The following ADAMTS12 variants were observed in gnomAD, a reference collection of about 807,000 sequenced individuals.
ADAMTS12 encodes A disintegrin and metalloproteinase with thrombospondin motifs 12.
Under a neutral mutation model 167.8 loss-of-function variants are expected in ADAMTS12, and 118 were observed. The observed-to-expected ratio is 0.70, with a 90% confidence interval of 0.61 to 0.82. The LOEUF (loss-of-function observed/expected upper bound fraction) is 0.82. Among genes scored for constraint, ADAMTS12 ranks in the 40% least tolerant of loss-of-function variants. ADAMTS12 has a pLI of 0.00. For missense variants in ADAMTS12, 1,916 were observed against 1,998.8 expected (o/e 0.96, Z 0.79); for synonymous variants, 704 against 716.9 (o/e 0.98, Z 0.29).
intron 2 of ADAMTS12, among the ~76,000 whole-genome samples, chr5:33,783,098 T>C (rs1010354932): frequency 2.0e-5 from 3 of 152,066 alleles, no homozygotes; most frequent in African/African-American, 7.2e-5. Flanking sequence ...GAATATTAAA[T>C]TAGAAATCAC....
intron 18 of ADAMTS12, 60 bp from the exon 19 acceptor site, chr5:33,577,220 G>C: frequency 6.2e-7 from 1 of 1,608,994 alleles, no homozygotes; most frequent in Non-Finnish European, 8.5e-7. Context: ...CTCATGGTTA[G>C]GTCTATAACA....
At position 33,730,142 on chromosome 5, in the gene ADAMTS12, A is replaced by G. The variant is rs1242747850; in HGVS notation, c.634+21262T>C. Among the ~76,000 whole-genome samples the G allele has an allele frequency of 3.9e-5, 6 of 152,340 alleles. No homozygotes were observed. In the East Asian group the frequency reaches 1.2e-3, roughly 29 times the overall value. ...GAGACCCACATTGTACAGGTTACAG[A>G]TCAAATATGAAATCTGAATCTTTCT... On this transcript the variant is annotated intron_variant, in intron 3 of 23. Coordinates refer to ENST00000504830, the MANE Select transcript of ADAMTS12 (RefSeq NM_030955.4).
chr5:33,542,465 G>C (rs543206951), intron 22 of ADAMTS12, among the ~76,000 whole-genome samples: 2 of 152,242 alleles, frequency 1.3e-5, no homozygotes, highest in South Asian at 4.1e-4. Context: ...GAGACAGAAG[G>C]TTAACAAGGA....
At chr5:33,824,772 C>T (rs1019838477) in intron 2 of ADAMTS12, among the ~76,000 whole-genome samples, 7 of 152,170 alleles carry the variant, frequency 4.6e-5, no homozygotes, top group Admixed American at 3.3e-4. Flanking sequence ...CACAAGAAAA[C>T]TTCCCAGCAT....
Position 33,856,196 on chromosome 5 carries a change from T to C in ADAMTS12, c.489+24923A>G, listed in dbSNP as rs563876583. Among the ~76,000 whole-genome samples the C allele has an allele frequency of 1.2e-4, 19 of 152,328 alleles. No homozygotes were observed. The South Asian group carries it at 2.1e-3, about 17-fold the overall frequency. ...ATAGAGAATTGGTCAGGACCTGCTG[T>C]AGCTCAGTGGAAAAGGATCTGTTGA... On this transcript the variant is annotated intron_variant, in intron 2 of 23. Coordinates refer to ENST00000504830, the MANE Select transcript of ADAMTS12 (RefSeq NM_030955.4).
At chr5:33,687,658 C>T (rs1465855572) in intron 3 of ADAMTS12, among the ~76,000 whole-genome samples, 4 of 152,268 alleles carry the variant, frequency 2.6e-5, no homozygotes, top group East Asian at 3.9e-4. Context: ...TAGATAGTGC[C>T]GGAAGCTTTG....
chr5:33,634,979 A>G (rs980191074), intron 12 of ADAMTS12, among the ~76,000 whole-genome samples: 11 of 151,892 alleles, frequency 7.2e-5, no homozygotes, highest in African/African-American at 2.4e-4. Flanking sequence ...CTCCCGCCCC[A>G]CCCTCCTGAC....
chr5:33,527,099 C>G lies in ADAMTS12; in HGVS notation c.*89G>C, dbSNP rs1415980787. On this transcript the variant is annotated 3_prime_UTR_variant, in exon 24 of 24. Transcript: ENST00000504830. ...AAAGCTGAATCTGAAATATATGAAG[C>G]AAAACCTCAACGAAGCAGCTCCCAG... 6.7e-7 allele frequency: 1 copy of G among 1,500,704 alleles called. No individual in the cohort carries two copies. Among genetic ancestry groups the G allele is most frequent in the Non-Finnish European group, 9.1e-7 (1 of 1,100,092 alleles). 93.0% of individuals were successfully genotyped at this position (1,500,704 alleles called of 1,614,324 possible).
At chr5:33,568,767 T>C (rs1048644610) in intron 19 of ADAMTS12, among the ~76,000 whole-genome samples, 1 of 152,246 alleles carries the variant, frequency 6.6e-6, no homozygotes, top group Non-Finnish European at 1.5e-5. Flanking sequence ...CAGCGCACCG[T>C]GCACCAGCCA....
intron 2 of ADAMTS12, among the ~76,000 whole-genome samples, chr5:33,849,147 T>C (rs866013681): frequency 3.3e-5 from 3 of 91,178 alleles, no homozygotes; most frequent in South Asian, 3.0e-4. Flanking sequence ...ATGTATTGCA[T>C]AGCAATATAT....
chr5:33,772,009 A>G (rs1330231839), intron 2 of ADAMTS12, among the ~76,000 whole-genome samples: 2 of 152,000 alleles, frequency 1.3e-5, no homozygotes, highest in African/African-American at 4.8e-5. Flanking sequence ...GGTATCTGCC[A>G]CCATGCCTAG....
intron 7 of ADAMTS12, among the ~76,000 whole-genome samples, chr5:33,651,399 C>G (rs1470642576): frequency 2.0e-5 from 3 of 152,174 alleles, no homozygotes; most frequent in Non-Finnish European, 4.4e-5. Context: ...GCACAAGTTA[C>G]TTTCTCTTTT....
chr5:33,777,526 A>G (rs1370342619), intron 2 of ADAMTS12, among the ~76,000 whole-genome samples: 1 of 152,156 alleles, frequency 6.6e-6, no homozygotes, highest in East Asian at 1.9e-4. Context: ...GAAAGAATGT[A>G]TCTCAACATA....
chr5:33,837,222 A>G (rs2111577364), intron 2 of ADAMTS12, among the ~76,000 whole-genome samples: 1 of 152,354 alleles, frequency 6.6e-6, no homozygotes, highest in South Asian at 2.1e-4. Flanking sequence ...GTGGACAGAC[A>G]GGACTTGAAA....
At chr5:33,771,116 G>A (rs545315623) in intron 2 of ADAMTS12, among the ~76,000 whole-genome samples, 4 of 152,036 alleles carry the variant, frequency 2.6e-5, no homozygotes, top group African/African-American at 7.2e-5. Context: ...TGATGGGTAG[G>A]GTTTTCATCT....
At chr5:33,652,167 G>T (rs914443520) in intron 7 of ADAMTS12, among the ~76,000 whole-genome samples, 1 of 152,162 alleles carries the variant, frequency 6.6e-6, no homozygotes, top group African/African-American at 2.4e-5. Context: ...TGGGTCGAAT[G>T]ATAGCTCTAG....
chr5:33,572,097 C>CAA (rs1746385129), intron 19 of ADAMTS12, among the ~76,000 whole-genome samples: 1 of 152,040 alleles, frequency 6.6e-6, no homozygotes, highest in Non-Finnish European at 1.5e-5. Context: ...GAAATTGGGG[C>CAA]AATAATCAAT....
At chr5:33,548,888 CA>C (rs147293143) in intron 21 of ADAMTS12, among the ~76,000 whole-genome samples, 254 of 152,336 alleles carry the variant, frequency 1.7e-3, no homozygotes, top group Non-Finnish European at 2.8e-3. Context: ...CGTCCTTGTT[CA>C]AATCATCCCA....
chr5:33,629,992 A>G (rs977438802), intron 13 of ADAMTS12, among the ~76,000 whole-genome samples: 2 of 152,210 alleles, frequency 1.3e-5, no homozygotes, highest in Non-Finnish European at 2.9e-5. Context: ...TCCCAGTTTT[A>G]TGACAGAAGA....
Sources: gnomAD v4.1 joint callset for allele counts (sites outside exome capture counted in the v4.1 genomes callset) on GRCh38, gnomAD v4.1.1 for gene constraint, MANE v1.5 for transcripts, NCBI Gene and HGNC (gene_info 2026-07-23, HGNC 2026-07-21) for gene names.